The following SPRY1 variants were observed in gnomAD, a reference collection of about 807,000 sequenced individuals.
SPRY1 encodes protein sprouty homolog 1.
A neutral mutation model predicts 22.6 loss-of-function variants in SPRY1; 20 were observed. The ratio of observed to expected loss-of-function variants is 0.89; its 90% CI spans 0.62 to 1.29. The LOEUF (loss-of-function observed/expected upper bound fraction) is 1.29. Ranked by LOEUF, SPRY1 falls within the 50% of genes most tolerant of loss-of-function variation. The probability of loss-of-function intolerance (pLI) is 0.00; values close to 1 mark genes in which losing one functional copy is unlikely to be tolerated. For synonymous variants in SPRY1, 155 were observed against 144.7 expected (o/e 1.07, Z -0.51); for missense variants, 446 against 387.7 (o/e 1.15, Z -1.26).
chr4:123,399,936 A>AT (rs1202394986), intron 2 of SPRY1: 1 of 151,922 alleles, frequency 6.6e-6, no homozygotes, highest in Non-Finnish European at 1.5e-5. Context: ...TTTGCTTTTA[A>AT]TTTTTTTGTC....
At chr4:123,398,519 T>C (rs1725007907) in intron 2 of SPRY1, 1 of 151,360 alleles carries the variant, frequency 6.6e-6, no homozygotes, top group South Asian at 2.1e-4. Context: ...CCTAGGTGAG[T>C]GTGTGCGGCG....
At position 123,402,859 on chromosome 4, in the gene SPRY1, A is replaced by G. The variant is rs755520426; in HGVS notation, c.*308A>G. The G allele has an allele frequency of 2.0e-5, 10 of 502,436 alleles. No homozygotes were observed. The highest frequency in any genetic ancestry group is 5.8e-5 in the African/African-American group (3 of 51,676). 31.1% of individuals were successfully genotyped at this position (502,436 alleles called of 1,614,324 possible). A position where few individuals can be genotyped will look rare whatever the true frequency, so the allele number is the denominator to read the frequency against. Reference sequence around the variant, plus strand: ...CAAGCAACTTTCTAAAGTTGTGTACATGAACATACACCCACATCCAGACTA... The same window carrying G: ...CAAGCAACTTTCTAAAGTTGTGTACGTGAACATACACCCACATCCAGACTA... On this transcript the variant is annotated 3_prime_UTR_variant, in exon 3 of 3. Transcript: ENST00000651917.
In SPRY1 at chr4:123,402,182, C is replaced by A; in HGVS notation, c.591C>A (p.Thr197=). Residue 197 remains threonine, a synonymous_variant, in exon 3 of 3, where the codon ACC becomes ACA. Coordinates refer to ENST00000651917, the MANE Select transcript of SPRY1 (RefSeq NM_001258038.2). ...GTGGAGAATGCACTGCTCCCAGGACCCTACCATCCTGTTTGGCCTGTAACC... is the reference window on the plus strand; with the variant it reads ...GTGGAGAATGCACTGCTCCCAGGACACTACCATCCTGTTTGGCCTGTAACC... The part of the protein sequence containing the change: ...CKCGECTAPR[T]LPSCLACNRQ... 1.9e-6 allele frequency: 3 copies of A among 1,614,194 alleles called. No individual in the cohort carries two copies. Among genetic ancestry groups the A allele is most frequent in the Non-Finnish European group, 2.5e-6 (3 of 1,180,028 alleles).
rs145077253 is a variant in SPRY1, at chr4:123,402,275, C to T, written c.684C>T (p.Ile228=). 2.7e-5 allele frequency: 44 copies of T among 1,614,104 alleles called. No homozygotes were observed. The highest frequency in any genetic ancestry group is 2.4e-4 in the East Asian group (11 of 44,904). Residue 228 remains isoleucine, a synonymous_variant, in exon 3 of 3, where the codon ATC becomes ATT. Transcript: ENST00000651917. ...YGTCMCLVKG[I]FYHCSNDDEG... is the part of the protein sequence containing the mutation. ...CCTGCATGTGCTTAGTCAAGGGCAT[C>T]TTCTACCACTGCTCCAATGACGACG...
chr4:123,398,159 G>A (rs946250380), intron 2 of SPRY1: 1 of 152,368 alleles, frequency 6.6e-6, no homozygotes, highest in Non-Finnish European at 1.5e-5. Flanking sequence ...GTTTTTCTGA[G>A]ACTTGGGAAG....
chr4:123,402,796 TGA>T lies in SPRY1; in HGVS notation c.*249_*250del. 1 of 562,610 alleles carries T rather than the reference TGA, an allele frequency of 1.8e-6. No homozygotes were observed. Among genetic ancestry groups the T allele is most frequent in the Non-Finnish European group, 3.2e-6 (1 of 316,370 alleles). 34.9% of individuals were successfully genotyped at this position (562,610 alleles called of 1,614,324 possible). A position where few individuals can be genotyped will look rare whatever the true frequency, so the allele number is the denominator to read the frequency against. On this transcript the variant is annotated 3_prime_UTR_variant, in exon 3 of 3. Coordinates refer to ENST00000651917, the MANE Select transcript of SPRY1 (RefSeq NM_001258038.2). ...GCCTCTGCCATCCACTTGAGGGTAT[TGA>T]GAGCCAGTGGGCTTTTGTGTAGCCT...
At chr4:123,400,971 A>G (rs572614257) in intron 2 of SPRY1, among the ~76,000 whole-genome samples, 22 of 152,242 alleles carry the variant, frequency 1.4e-4, no homozygotes, top group African/African-American at 5.1e-4. Context: ...TAAAATTCTG[A>G]TTTATATAGA....
At chr4:123,400,864 TTGTGTG>T (rs1553946128) in intron 2 of SPRY1, among the ~76,000 whole-genome samples, 1 of 151,870 alleles carries the variant, frequency 6.6e-6, no homozygotes, top group African/African-American at 2.4e-5. Flanking sequence ...ACATTGAGTC[TTGTGTG>T]TGTGTGTGTT....
Position 123,401,678 on chromosome 4 carries a change from TGA to T in SPRY1, c.96_97del (p.Glu32AspfsTer20). 2 of 1,614,088 alleles carry T rather than the reference TGA, an allele frequency of 1.2e-6. No individual in the cohort carries two copies. The highest frequency in any genetic ancestry group is 1.7e-6 in the Non-Finnish European group (2 of 1,180,018). On this transcript the variant is annotated frameshift_variant, in exon 3 of 3. Coordinates refer to ENST00000651917, the MANE Select transcript of SPRY1 (RefSeq NM_001258038.2). LOFTEE classifies it high-confidence loss of function. ...SLDSRQRLDY[E>X]REIQPTAILS... ...TGGATAGCCGTCAGAGATTAGACTA[TGA>T]GAGAGAGATTCAGCCTACTGCTATT...
In SPRY1 at chr4:123,402,868, C is replaced by T; in HGVS notation, c.*317C>T. The T allele has an allele frequency of 4.1e-6, 2 of 482,028 alleles. No individual in the cohort carries two copies. The highest frequency in any genetic ancestry group is 1.2e-4 in the South Asian group (2 of 16,706). The allele number at this position is 482,028 out of a possible 1,614,324, so 29.9% of individuals were successfully genotyped here. A position where few individuals can be genotyped will look rare whatever the true frequency, so the allele number is the denominator to read the frequency against. On this transcript the variant is annotated 3_prime_UTR_variant, in exon 3 of 3. Coordinates refer to ENST00000651917, the MANE Select transcript of SPRY1 (RefSeq NM_001258038.2). ...TTCTAAAGTTGTGTACATGAACATA[C>T]ACCCACATCCAGACTACAGTGATTT...
chr4:123,398,912 C>G (rs1198458361), intron 2 of SPRY1, among the ~76,000 whole-genome samples: 1 of 151,978 alleles, frequency 6.6e-6, no homozygotes, highest in Non-Finnish European at 1.5e-5. Flanking sequence ...GTGCCTCAAG[C>G]AGGGGGACGA....
In SPRY1 at chr4:123,402,763, C is replaced by T; in HGVS notation, c.*212C>T. The T allele has an allele frequency of 1.6e-6, 1 of 630,660 alleles. No homozygotes were observed. Among genetic ancestry groups the T allele is most frequent in the Non-Finnish European group, 2.7e-6 (1 of 366,016 alleles). The allele number at this position is 630,660 out of a possible 1,614,324, so 39.1% of individuals were successfully genotyped here. A position where few individuals can be genotyped will look rare whatever the true frequency, so the allele number is the denominator to read the frequency against. ...GGAAGCTGCACCTGGCTCCCACTTT[C>T]AACAAGAGCCTCTGCCATCCACTTG... is the stretch of plus-strand genomic sequence containing the variant. On this transcript the variant is annotated 3_prime_UTR_variant, in exon 3 of 3. Coordinates refer to ENST00000651917, the MANE Select transcript of SPRY1 (RefSeq NM_001258038.2).
Position 123,396,850 on chromosome 4 carries a change from A to T in SPRY1, c.-384A>T, listed in dbSNP as rs1353264002. 2.0e-5 allele frequency: 3 copies of T among 152,224 alleles called. No homozygotes were observed. The highest frequency in any genetic ancestry group is 4.4e-5 in the Non-Finnish European group (3 of 68,038). The allele number at this position is 152,224 out of a possible 1,614,324, so 9.4% of individuals were successfully genotyped here. A position where few individuals can be genotyped will look rare whatever the true frequency, so the allele number is the denominator to read the frequency against. On this transcript the variant is annotated 5_prime_UTR_variant, in exon 1 of 3. Coordinates refer to ENST00000651917, the MANE Select transcript of SPRY1 (RefSeq NM_001258038.2). Reference sequence around the variant, plus strand: ...CTGCGTGCTTTGCAGAGTGATTATCAGCACAGTTCCCTGCCCTGGATAAGG... The same window carrying T: ...CTGCGTGCTTTGCAGAGTGATTATCTGCACAGTTCCCTGCCCTGGATAAGG...
intron 2 of SPRY1, chr4:123,399,944 G>C (rs1313688427): frequency 6.6e-6 from 1 of 152,060 alleles, no homozygotes; most frequent in East Asian, 1.9e-4. Flanking sequence ...TAATTTTTTT[G>C]TCTGGCAACT....
At chr4:123,398,797 A>C (rs1240155025) in intron 2 of SPRY1, among the ~76,000 whole-genome samples, 1 of 151,618 alleles carries the variant, frequency 6.6e-6, no homozygotes. Context: ...GATTACCCGG[A>C]GCGGCGGCGC....
At position 123,402,223 on chromosome 4, in the gene SPRY1, C is replaced by G. The variant is rs1475845838; in HGVS notation, c.632C>G (p.Ser211Cys). The G allele has an allele frequency of 1.9e-6, 3 of 1,614,088 alleles. No individual in the cohort carries two copies. Among genetic ancestry groups the G allele is most frequent in the Non-Finnish European group, 2.5e-6 (3 of 1,180,042 alleles). The change falls in exon 3 of 3, where the codon TCT becomes TGT. Residue 211 changes from serine (S) to cysteine (C), a missense_variant. Transcript: ENST00000651917. ...GCCTGTAACCGGCAGTGCCTTTGCT[C>G]TGCTGAGAGCATGGTGGAATATGGA... ...CLACNRQCLC[S>C]AESMVEYGTC...
chr4:123,398,241 C>G (rs2126194609), intron 2 of SPRY1: 1 of 152,230 alleles, frequency 6.6e-6, no homozygotes, highest in South Asian at 2.1e-4. Context: ...GTGGATGTTA[C>G]TGAGCCGCCC....
Position 123,402,510 on chromosome 4 carries a change from C to G in SPRY1, c.919C>G (p.Leu307Val). 6.2e-7 allele frequency: 1 copy of G among 1,613,952 alleles called. No individual in the cohort carries two copies. The highest frequency in any genetic ancestry group is 8.5e-7 in the Non-Finnish European group (1 of 1,179,838). The change falls in exon 3 of 3, where the codon CTG becomes GTG. Residue 307 changes from leucine (L) to valine (V), a missense_variant. Leu to Val is a conservative substitution (Grantham distance 32). Coordinates refer to ENST00000651917, the MANE Select transcript of SPRY1 (RefSeq NM_001258038.2). ...CKNSNTVYCK[L>V]ESCPSRGQGK... Reference sequence around the variant, plus strand: ...GAACTCCAACACTGTCTATTGTAAGCTGGAGAGCTGCCCCTCCCGGGGTCA... The same window carrying G: ...GAACTCCAACACTGTCTATTGTAAGGTGGAGAGCTGCCCCTCCCGGGGTCA...
In SPRY1 at chr4:123,401,644, A is replaced by C; in HGVS notation, c.53A>C (p.Gln18Pro). The C allele has an allele frequency of 6.2e-7, 1 of 1,614,218 alleles. No homozygotes were observed. Among genetic ancestry groups the C allele is most frequent in the Non-Finnish European group, 8.5e-7 (1 of 1,180,044 alleles). Residue 18 changes from glutamine to proline, a missense_variant, in exon 3 of 3, where the codon CAG becomes CCG. Gln to Pro is a moderately conservative substitution (Grantham distance 76, BLOSUM62 -1). Coordinates refer to ENST00000651917, the MANE Select transcript of SPRY1 (RefSeq NM_001258038.2). ...GGCAGTTCGTTAGTTGTGATCCAGC[A>C]GCCTTCTTTGGATAGCCGTCAGAGA... ...GSGSSLVVIQ[Q>P]PSLDSRQRLD...
Sources: allele counts gnomAD v4.1 joint callset (sites outside exome capture counted in the v4.1 genomes callset), GRCh38; gene constraint gnomAD v4.1.1; transcripts MANE v1.5; gene names NCBI Gene and HGNC (gene_info 2026-07-23, HGNC 2026-07-21).